Variants in DOC2A observed in about 807,000 individuals in gnomAD.
DOC2A encodes double C2 domain alpha, also known as double C2-like domain-containing protein alpha.
Under a neutral mutation model 40.6 loss-of-function variants are expected in DOC2A, and 28 were observed. The ratio of observed to expected loss-of-function variants is 0.69; its 90% CI spans 0.51 to 0.95. DOC2A has a LOEUF of 0.95. Among genes scored for constraint, DOC2A ranks in the 40% least tolerant of loss-of-function variants. The pLI is 0.00. For missense variants in DOC2A, 474 were observed against 552.5 expected (o/e 0.86, Z 1.42); for synonymous variants, 241 against 236.9 (o/e 1.02, Z -0.16).
upstream of DOC2A, chr16:30,011,166 G>T (rs1216298223): frequency 4.8e-6 from 3 of 630,214 alleles, no homozygotes; most frequent in Non-Finnish European, 5.9e-6. Flanking sequence ...ACGCGAGCGC[G>T]CACACACACG....
chr16:30,006,082 G>T lies in DOC2A; in HGVS notation c.*104C>A. The T allele has an allele frequency of 7.6e-7, 1 of 1,315,626 alleles. No individual in the cohort carries two copies. The highest frequency in any genetic ancestry group is 1.0e-6 in the Non-Finnish European group (1 of 973,296). 81.5% of individuals were successfully genotyped at this position (1,315,626 alleles called of 1,614,324 possible). A position where few individuals can be genotyped will look rare whatever the true frequency, so the allele number is the denominator to read the frequency against. ...ACGGAGACTCACAAAAATAGGTAGT[G>T]CAGGGTGGGGGCAGCCCACCCTGTG... On this transcript the variant is annotated 3_prime_UTR_variant, in exon 11 of 11. Coordinates refer to ENST00000350119, the MANE Select transcript of DOC2A (RefSeq NM_003586.3). The surrounding 1 kb of genome is among the most constrained non-coding windows in gnomAD (Gnocchi z 6.2).
Position 30,005,607 on chromosome 16 carries a change from G to T in DOC2A, c.*579C>A. 1 of 701,206 alleles carries T rather than the reference G, an allele frequency of 1.4e-6. No homozygotes were observed. Among genetic ancestry groups the T allele is most frequent in the Non-Finnish European group, 2.4e-6 (1 of 420,626 alleles). 43.4% of individuals were successfully genotyped at this position (701,206 alleles called of 1,614,324 possible). A position where few individuals can be genotyped will look rare whatever the true frequency, so the allele number is the denominator to read the frequency against. The stretch of plus-strand genomic sequence containing the variant: ...AACATGCACGGGTGTCCCCCAGGAG[G>T]GTGGCAGGGGCCCTGCCTTCAAACC... On this transcript the variant is annotated 3_prime_UTR_variant, in exon 11 of 11. Coordinates refer to ENST00000350119, the MANE Select transcript of DOC2A (RefSeq NM_003586.3).
At chr16:30,016,297 C>T (rs768046738), upstream of DOC2A, among the ~76,000 whole-genome samples, 3 of 151,840 alleles carry the variant, frequency 2.0e-5, no homozygotes, top group Non-Finnish European at 4.4e-5. Context: ...GATCTGCCTG[C>T]CTTGGCCTCC....
chr16:30,009,388 G>C lies in DOC2A; in HGVS notation c.342+90C>G. The C allele has an allele frequency of 1.3e-6, 2 of 1,496,110 alleles. No individual in the cohort carries two copies. The highest frequency in any genetic ancestry group is 9.1e-7 in the Non-Finnish European group (1 of 1,097,830). The allele number at this position is 1,496,110 out of a possible 1,614,324, so 92.7% of individuals were successfully genotyped here. ...AAGGAGGGGGCAAGGGCAGGACGAA[G>C]GAGCAGGCCTGGGAAGGGAAGGAGG... On this transcript the variant is annotated intron_variant, in intron 3 of 10. Transcript: ENST00000350119. The surrounding 1 kb of genome is among the most constrained non-coding windows in gnomAD (Gnocchi z 4.1).
chr16:30,016,230 G>A (rs2070856232), upstream of DOC2A, among the ~76,000 whole-genome samples: 1 of 149,976 alleles, frequency 6.7e-6, no homozygotes, highest in African/African-American at 2.5e-5. Context: ...TGTATTTTTA[G>A]TGGAGATAGG....
Position 30,005,556 on chromosome 16 carries a change from C to G in DOC2A, c.*630G>C. On this transcript the variant is annotated 3_prime_UTR_variant, in exon 11 of 11. Transcript: ENST00000350119. ...TTGATGCCCAGCTGCCATGCTCCGG[C>G]CACTGACACAACCAGAAAAGGCGTA... The G allele has an allele frequency of 9.7e-7, 1 of 1,026,678 alleles. No individual in the cohort carries two copies. Among genetic ancestry groups the G allele is most frequent in the Non-Finnish European group, 1.4e-6 (1 of 690,512 alleles). The allele number at this position is 1,026,678 out of a possible 1,614,324, so 63.6% of individuals were successfully genotyped here.
At chr16:30,011,447 C>G (rs1229509750), upstream of DOC2A, 1 of 983,074 alleles carries the variant, frequency 1.0e-6, no homozygotes, top group Non-Finnish European at 1.2e-6. Flanking sequence ...TGGCCCCCCG[C>G]CCCCGCCCGC....
At chr16:30,013,488 G>A (rs1293377386), upstream of DOC2A, 5 of 149,022 alleles carry the variant, frequency 3.4e-5, no homozygotes, top group African/African-American at 9.9e-5. Flanking sequence ...AGATGGTCTC[G>A]ATCTCCTGAC....
At chr16:30,018,353 C>G (rs1394607696) in intron 1 of DOC2A, among the ~76,000 whole-genome samples, 2 of 151,902 alleles carry the variant, frequency 1.3e-5, no homozygotes, top group African/African-American at 4.8e-5. Context: ...AGATGGGATT[C>G]TCTGTCACCC....
rs1260236941 is a variant in DOC2A, at chr16:30,005,959, G to C, written c.*227C>G. ...CACTGCCCGGGTGTGCAGATGATGG[G>C]GGGTTTGCATATTTGCAGGGACTAG... On this transcript the variant is annotated 3_prime_UTR_variant, in exon 11 of 11. Coordinates refer to ENST00000350119, the MANE Select transcript of DOC2A (RefSeq NM_003586.3). The C allele has an allele frequency of 1.7e-6, 1 of 605,304 alleles. No individual in the cohort carries two copies. The highest frequency in any genetic ancestry group is 1.9e-5 in the African/African-American group (1 of 53,880). 37.5% of individuals were successfully genotyped at this position (605,304 alleles called of 1,614,324 possible). A position where few individuals can be genotyped will look rare whatever the true frequency, so the allele number is the denominator to read the frequency against.
chr16:30,022,492 A>G (rs940099036), upstream of DOC2A, among the ~76,000 whole-genome samples: 3 of 152,032 alleles, frequency 2.0e-5, no homozygotes, highest in Non-Finnish European at 4.4e-5. Flanking sequence ...GCAACATAGC[A>G]AGCCCTCATT....
upstream of DOC2A, chr16:30,011,421 C>A (rs1351014346): frequency 1.0e-6 from 1 of 985,208 alleles, no homozygotes; most frequent in East Asian, 1.1e-4. Context: ...TGTTCCCCAA[C>A]TACTCCTGGG....
chr16:30,016,306 C>T (rs1236107831), upstream of DOC2A, among the ~76,000 whole-genome samples: 1 of 151,914 alleles, frequency 6.6e-6, no homozygotes, highest in African/African-American at 2.4e-5. Context: ...GCCTTGGCCT[C>T]CCAAAGTGCT....
upstream of DOC2A, chr16:30,012,107 G>C (rs978725715): frequency 6.6e-6 from 1 of 152,640 alleles, no homozygotes; most frequent in Middle Eastern, 3.4e-3. Flanking sequence ...TATCACCCTC[G>C]CTGCCCACCA....
At chr16:30,007,848 C>T (rs1190519018) in intron 5 of DOC2A, 2 of 202,742 alleles carry the variant, frequency 9.9e-6, no homozygotes, top group Non-Finnish European at 2.0e-5. Context: ...AGATCCCAGC[C>T]CTGCCACTTC....
In DOC2A at chr16:30,009,181, G is replaced by C. The variant is rs556418417; in HGVS notation, c.417+21C>G. The C allele has an allele frequency of 8.1e-6, 13 of 1,607,690 alleles. No individual in the cohort carries two copies. The African/African-American group carries it at 1.6e-4, about 20-fold the overall frequency. On this transcript the variant is annotated intron_variant, in intron 4 of 10. Transcript: ENST00000350119. This position sits in a 1 kb window ranked among gnomAD's most constrained non-coding sequence, Gnocchi z 4.1. ...GCTGGAGTCATGGGCTGGGCCGGGC[G>C]GGGCGAGAGGAGGCTGTTACCTTAC... is the stretch of plus-strand genomic sequence containing the variant.
chr16:30,008,946 T>C, intron 5 of DOC2A, 50 bp downstream of exon 5: 1 of 1,249,050 alleles, frequency 8.0e-7, no homozygotes, highest in Non-Finnish European at 1.2e-6. Context: ...GCGGTTACAA[T>C]GTCAGCTGTC....
In DOC2A at chr16:30,009,111, A is replaced by G; in HGVS notation, c.418-6T>C. 1.3e-6 allele frequency: 2 copies of G among 1,533,426 alleles called. No homozygotes were observed. The highest frequency in any genetic ancestry group is 1.8e-6 in the Non-Finnish European group (2 of 1,130,330). 95.0% of individuals were successfully genotyped at this position (1,533,426 alleles called of 1,614,324 possible). On this transcript the variant is annotated splice_region_variant and splice_polypyrimidine_tract_variant and intron_variant, in intron 4 of 10. Transcript: ENST00000350119. This position sits in a 1 kb window ranked among gnomAD's most constrained non-coding sequence, Gnocchi z 4.1. ...TTCGTTTTTAGCTTATTGGCCTGGGATGTGGGGATGAAAGGTTCTCAATAC... is the reference window on the plus strand; with the variant it reads ...TTCGTTTTTAGCTTATTGGCCTGGGGTGTGGGGATGAAAGGTTCTCAATAC...
chr16:30,016,556 T>C, upstream of DOC2A, among the ~76,000 whole-genome samples: 1 of 152,196 alleles, frequency 6.6e-6, no homozygotes, highest in South Asian at 2.1e-4. Context: ...CTGTGCTCTC[T>C]TCCCACGGTG....
Sources: gnomAD v4.1 joint callset for allele counts (sites outside exome capture counted in the v4.1 genomes callset) on GRCh38, gnomAD v4.1.1 for gene constraint, Gnocchi (gnomAD v3.1) non-coding constraint, MANE v1.5 for transcripts, NCBI Gene and HGNC (gene_info 2026-07-23, HGNC 2026-07-21) for gene names.